Variants in PALS1 observed in about 807,000 individuals in gnomAD.
The protein encoded by PALS1 is protein PALS1.
A neutral mutation model predicts 78.9 loss-of-function variants in PALS1; 31 were observed. The ratio of observed to expected loss-of-function variants is 0.39; its 90% CI spans 0.30 to 0.53. PALS1 has a LOEUF of 0.53. Among genes scored for constraint, PALS1 ranks in the 20% least tolerant of loss-of-function variants. The pLI, the probability that PALS1 is intolerant of heterozygous loss-of-function variation, is 0.67. For missense variants in PALS1, 704 were observed against 826.5 expected, an observed-to-expected ratio of 0.85 and a Z score of 1.82; for synonymous variants, 276 against 270.9, an observed-to-expected ratio of 1.02 and a Z score of -0.18.
At position 67,255,944 on chromosome 14, in the gene PALS1, C is replaced by T. The variant is rs549216153; in HGVS notation, c.-236-13757C>T. 1.6e-4 allele frequency among the ~76,000 whole-genome samples: 24 copies of T among 152,338 alleles called. No individual in the cohort carries two copies. In the South Asian group the frequency reaches 3.7e-3, roughly 24 times the overall value. On this transcript the variant is annotated intron_variant, in intron 1 of 14. Transcript: ENST00000261681. The stretch of plus-strand genomic sequence containing the variant: ...TCAAGTGATCCACATGCTTTGGCCT[C>T]CCAAAGTGCTGGGATTACAGACAGT...
rs1252856572 is a variant in PALS1 at position 67,333,107 on chromosome 14, G to A, written c.*151G>A. 21 of 634,858 alleles carry A rather than the reference G, an allele frequency of 3.3e-5. No individual in the cohort carries two copies. The South Asian group carries it at 4.0e-4, about 12-fold the overall frequency. 39.3% of individuals were successfully genotyped at this position (634,858 alleles called of 1,614,324 possible). A position where few individuals can be genotyped will look rare whatever the true frequency, so the allele number is the denominator to read the frequency against. On this transcript the variant is annotated 3_prime_UTR_variant, in exon 15 of 15. Coordinates refer to ENST00000261681, the MANE Select transcript of PALS1 (RefSeq NM_022474.4). ...CTTAGATCTCTTGAATTAGTGAGAC[G>A]ACAGTTCCCTTAGGCAGTTTGTGCA... is the stretch of plus-strand genomic sequence containing the variant.
intron 2 of PALS1, among the ~76,000 whole-genome samples, chr14:67,275,288 C>T (rs1425850967): frequency 1.3e-5 from 2 of 152,128 alleles, no homozygotes; most frequent in African/African-American, 4.8e-5. Context: ...TTTTGAGATA[C>T]ATTCCATCAA....
intron 3 of PALS1, among the ~76,000 whole-genome samples, chr14:67,290,803 G>A (rs1473647584): frequency 6.6e-6 from 1 of 152,108 alleles, no homozygotes; most frequent in Non-Finnish European, 1.5e-5. Context: ...CCAAAGTGCT[G>A]GGGTTACAGA....
At chr14:67,289,774 T>C (rs2084746086) in intron 3 of PALS1, among the ~76,000 whole-genome samples, 1 of 121,096 alleles carries the variant, frequency 8.3e-6, no homozygotes, top group South Asian at 2.9e-4. Context: ...ATGTCCTTTT[T>C]TTTTTTTTTT....
chr14:67,320,314 T>A lies in PALS1; in HGVS notation c.1454T>A (p.Ile485Asn). The A allele has an allele frequency of 1.2e-6, 2 of 1,614,062 alleles. No homozygotes were observed. The highest frequency in any genetic ancestry group is 1.7e-6 in the Non-Finnish European group (2 of 1,179,980). Reference protein sequence around the residue: ...PANRKRPIILIGPQNCGQNEL... With the variant: ...PANRKRPIILNGPQNCGQNEL... ...AATAGGAAGAGACCTATCATCTTGATTGGTCCACAGAACTGTGGCCAGAAT... is the reference window on the plus strand; with the variant it reads ...AATAGGAAGAGACCTATCATCTTGAATGGTCCACAGAACTGTGGCCAGAAT... Residue 485 changes from isoleucine (I) to asparagine (N), a missense_variant, in exon 12 of 15, where the codon ATT becomes AAT. Coordinates refer to ENST00000261681, the MANE Select transcript of PALS1 (RefSeq NM_022474.4).
In PALS1 at chr14:67,279,523, C is replaced by T. The variant is rs145503288; in HGVS notation, c.353C>T (p.Ala118Val). The change falls in exon 3 of 15, where the codon GCT (alanine) becomes GTT (valine). Residue 118 changes from alanine to valine, a missense_variant. By Grantham distance (64) the Ala-to-Val change is moderately conservative. Coordinates refer to ENST00000261681, the MANE Select transcript of PALS1 (RefSeq NM_022474.4). ...EGIVLESPHY[A>V]VKILEIEDLF... ...ATTGTCTTAGAAAGTCCTCATTATGCTGTGAAAATATTAGGTAAGTAAAAA... is the reference window on the plus strand; with the variant it reads ...ATTGTCTTAGAAAGTCCTCATTATGTTGTGAAAATATTAGGTAAGTAAAAA... 3.3e-6 allele frequency: 5 copies of T among 1,532,858 alleles called. No individual in the cohort carries two copies. The highest frequency in any genetic ancestry group is 3.5e-6 in the Non-Finnish European group (4 of 1,143,726). 95.0% of individuals were successfully genotyped at this position (1,532,858 alleles called of 1,614,324 possible). A position where few individuals can be genotyped will look rare whatever the true frequency, so the allele number is the denominator to read the frequency against.
intron 1 of PALS1, among the ~76,000 whole-genome samples, chr14:67,251,234 T>C (rs978937217): frequency 2.6e-5 from 4 of 152,204 alleles, no homozygotes; most frequent in Non-Finnish European, 4.4e-5. Flanking sequence ...CTTTACCTAG[T>C]GTTTAAAAAT....
intron 11 of PALS1, 48 bp downstream of exon 11, chr14:67,317,527 T>C (rs1188734704): frequency 7.6e-7 from 1 of 1,316,658 alleles, no homozygotes; most frequent in Admixed American, 1.9e-5. Flanking sequence ...GAAAGGAGTC[T>C]AAACCTAGTC....
intron 1 of PALS1, among the ~76,000 whole-genome samples, chr14:67,263,715 T>C (rs187891147): frequency 6.6e-6 from 1 of 152,192 alleles, no homozygotes; most frequent in African/African-American, 2.4e-5. Context: ...TGTAAACTGA[T>C]GATAACTTTG....
chr14:67,315,268 A>ATTT (rs531037352), intron 9 of PALS1, among the ~76,000 whole-genome samples: 25 of 101,586 alleles, frequency 2.5e-4, no homozygotes, highest in Non-Finnish European at 3.9e-4. Flanking sequence ...CTTATTTTTA[A>ATTT]TTTTTTTTTT....
chr14:67,279,704 G>A (rs2084575683), intron 3 of PALS1, 167 bp downstream of exon 3: 1 of 584,686 alleles, frequency 1.7e-6, no homozygotes, highest in African/African-American at 1.9e-5. Context: ...ATTGTTTACT[G>A]TTACCAACAT....
chr14:67,246,885 C>T (rs1380327414), intron 1 of PALS1, among the ~76,000 whole-genome samples: 8 of 152,072 alleles, frequency 5.3e-5, no homozygotes, highest in African/African-American at 1.4e-4. Flanking sequence ...CTCCTGACCT[C>T]GTGATCTGCC....
rs541996519 is a variant in PALS1, at chr14:67,262,489, G to A, written c.-236-7212G>A. Reference sequence around the variant, plus strand: ...TTGGCTCCTGGTCTCCAAATCCTGTGAAATCATTCTTTATAATAACCATTG... The same window carrying A: ...TTGGCTCCTGGTCTCCAAATCCTGTAAAATCATTCTTTATAATAACCATTG... On this transcript the variant is annotated intron_variant, in intron 1 of 14. Coordinates refer to ENST00000261681, the MANE Select transcript of PALS1 (RefSeq NM_022474.4). Among the ~76,000 whole-genome samples, 3 of 152,190 alleles carry A rather than the reference G, an allele frequency of 2.0e-5. No individual in the cohort carries two copies. In the East Asian group the frequency reaches 5.8e-4, roughly 29 times the overall value.
chr14:67,243,553 C>T (rs1357888484), intron 1 of PALS1, among the ~76,000 whole-genome samples: 7 of 137,610 alleles, frequency 5.1e-5, no homozygotes, highest in African/African-American at 1.4e-4. Flanking sequence ...AGTGCAGTGG[C>T]GCAATCTCGG....
At chr14:67,279,657 C>A in intron 3 of PALS1, 120 bp downstream of exon 3, 1 of 998,196 alleles carries the variant, frequency 1.0e-6, no homozygotes, top group Non-Finnish European at 1.4e-6. Context: ...GAATTCCAGA[C>A]CAAGATCCTT....
chr14:67,254,034 C>A (rs764765664), intron 1 of PALS1, among the ~76,000 whole-genome samples: 4 of 143,390 alleles, frequency 2.8e-5, no homozygotes, highest in South Asian at 4.7e-4. Context: ...ATCCCCCCCC[C>A]CTTACAAGTT....
At chr14:67,275,126 G>A (rs1217508917) in intron 2 of PALS1, among the ~76,000 whole-genome samples, 3 of 152,122 alleles carry the variant, frequency 2.0e-5, no homozygotes, top group South Asian at 2.1e-4. Context: ...TCTCCTGCCC[G>A]ATTGCCTTGG....
intron 3 of PALS1, among the ~76,000 whole-genome samples, chr14:67,289,360 T>C: frequency 6.6e-6 from 1 of 152,208 alleles, no homozygotes; most frequent in East Asian, 1.9e-4. Context: ...TTACATTGTA[T>C]TAAGTATTAT....
At position 67,335,529 on chromosome 14, in the gene PALS1, T is replaced by G. The variant is rs1196248553; in HGVS notation, c.*2573T>G. ...GTCAGAACAAATGGAAGGAGAATAT[T>G]ATTTAGACTAATCCAGATTTGCTTT... On this transcript the variant is annotated 3_prime_UTR_variant, in exon 15 of 15. Transcript: ENST00000261681. The G allele has an allele frequency of 1.3e-5, 2 of 152,690 alleles. No individual in the cohort carries two copies. The allele number at this position is 152,690 out of a possible 1,614,324, so 9.5% of individuals were successfully genotyped here.
Sources: gnomAD v4.1 joint callset for allele counts (sites outside exome capture counted in the v4.1 genomes callset) on GRCh38, gnomAD v4.1.1 for gene constraint, MANE v1.5 for transcripts, NCBI Gene and HGNC (gene_info 2026-07-23, HGNC 2026-07-21) for gene names.